The following PRLR variants were observed in gnomAD, a reference collection of about 807,000 sequenced individuals.
PRLR encodes hPRL receptor.
In PRLR, 13 loss-of-function variants were observed where a neutral mutation model predicts 40.2. The observed-to-expected ratio is 0.32, with a 90% CI of 0.21 to 0.51. PRLR has a LOEUF of 0.51. PRLR is among the 20% of genes least tolerant of loss of function. PRLR has a pLI of 0.97. For missense variants in PRLR, 656 were observed against 747.3 expected (o/e 0.88, Z 1.42); for synonymous variants, 269 against 278.7 (o/e 0.97, Z 0.35).
intron 1 of PRLR, among the ~76,000 whole-genome samples, chr5:35,166,792 A>G (rs1328721022): frequency 6.6e-6 from 1 of 152,148 alleles, no homozygotes; most frequent in Non-Finnish European, 1.5e-5. Context: ...TCCTTGCAAT[A>G]AGAGCAACAG....
intron 2 of PRLR, among the ~76,000 whole-genome samples, chr5:35,093,665 C>T (rs1448985405): frequency 6.6e-6 from 1 of 152,170 alleles, no homozygotes; most frequent in Non-Finnish European, 1.5e-5. Flanking sequence ...AAGCAAGGCC[C>T]AATCCAACAT....
chr5:35,160,916 T>A (rs1579748058), intron 1 of PRLR, among the ~76,000 whole-genome samples: 3 of 152,358 alleles, frequency 2.0e-5, no homozygotes, highest in East Asian at 3.9e-4. Flanking sequence ...TCGATAAGAC[T>A]GACTTGAGTA....
At chr5:35,220,913 T>C (rs1453644345) in intron 1 of PRLR, among the ~76,000 whole-genome samples, 1 of 152,228 alleles carries the variant, frequency 6.6e-6, no homozygotes, top group African/African-American at 2.4e-5. Flanking sequence ...TGAGGATCGG[T>C]GTATCAGACT....
chr5:35,155,071 T>C (rs1222439373), intron 1 of PRLR, among the ~76,000 whole-genome samples: 3 of 150,360 alleles, frequency 2.0e-5, no homozygotes, highest in African/African-American at 7.6e-5. Context: ...GGAGGATCTG[T>C]GCAGCAAACC....
chr5:35,049,304 A>T, exon 9 of PRLR: 1 of 703,368 alleles, frequency 1.4e-6, no homozygotes, highest in Admixed American at 2.0e-5. Flanking sequence ...ACTGTGGTCA[A>T]TGTTGCCTTT....
intron 1 of PRLR, among the ~76,000 whole-genome samples, chr5:35,161,917 A>G (rs956243907): frequency 3.9e-5 from 6 of 152,362 alleles, no homozygotes; most frequent in Admixed American, 3.3e-4. Context: ...TTCTTTTCCA[A>G]AAGTCTTGTG....
chr5:35,147,886 G>A (rs1028743675), intron 1 of PRLR, among the ~76,000 whole-genome samples: 1 of 152,034 alleles, frequency 6.6e-6, no homozygotes, highest in African/African-American at 2.4e-5. Flanking sequence ...ATTGTCACAG[G>A]GTAGACGTGT....
intron 1 of PRLR, among the ~76,000 whole-genome samples, chr5:35,179,055 A>G (rs566584377): frequency 3.2e-4 from 48 of 152,304 alleles, no homozygotes; most frequent in African/African-American, 1.2e-3. Flanking sequence ...CAAAGGTCTC[A>G]AGGCTCTCTA....
chr5:35,109,097 A>G (rs563627459), intron 2 of PRLR, among the ~76,000 whole-genome samples: 1 of 152,338 alleles, frequency 6.6e-6, no homozygotes, highest in African/African-American at 2.4e-5. Flanking sequence ...GACAAACCTG[A>G]CAAAAACAAG....
chr5:35,151,528 C>A (rs1411822459), intron 1 of PRLR, among the ~76,000 whole-genome samples: 1 of 152,114 alleles, frequency 6.6e-6, no homozygotes, highest in African/African-American at 2.4e-5. Context: ...GTCTCCTCTT[C>A]CCCTTTGATC....
chr5:35,191,054 T>C (rs1347254723), intron 1 of PRLR, among the ~76,000 whole-genome samples: 1 of 3,282 alleles, frequency 3.0e-4, no homozygotes. Context: ...TTTTCTTTTT[T>C]TTTTTTTTTT....
chr5:35,179,431 A>G (rs1775232714), intron 1 of PRLR, among the ~76,000 whole-genome samples: 1 of 152,142 alleles, frequency 6.6e-6, no homozygotes, highest in African/African-American at 2.4e-5. Flanking sequence ...CCACGCGAAT[A>G]AGGCAGTTGT....
chr5:35,126,985 TC>T (rs1773492050), intron 1 of PRLR, among the ~76,000 whole-genome samples: 1 of 152,270 alleles, frequency 6.6e-6, no homozygotes, highest in African/African-American at 2.4e-5. Flanking sequence ...CCTCTACTCC[TC>T]ATGTAAGAAG....
intron 9 of PRLR, among the ~76,000 whole-genome samples, chr5:35,066,452 A>G (rs1240308143): frequency 1.3e-5 from 2 of 152,174 alleles, no homozygotes; most frequent in Non-Finnish European, 2.9e-5. Flanking sequence ...ACTGCGGCCC[A>G]CTGGCAGAGG....
chr5:35,081,163 A>G (rs1045726798), intron 5 of PRLR: 1 of 153,348 alleles, frequency 6.5e-6, no homozygotes, highest in African/African-American at 2.4e-5. Flanking sequence ...CACGTTGTGC[A>G]CATGTACCCT....
chr5:35,065,832 C>T lies in PRLR; in HGVS notation c.1126G>A (p.Asp376Asn). 1 of 1,614,112 alleles carries T rather than the reference C, an allele frequency of 6.2e-7. No homozygotes were observed. The highest frequency in any genetic ancestry group is 8.5e-7 in the Non-Finnish European group (1 of 1,180,008). The change falls in exon 10 of 10, where the codon GAT becomes AAT. Residue 376 changes from aspartate to asparagine, a missense_variant. This residue lies in a region of PRLR where 469 missense variants were observed against 491.5 expected (regional missense o/e 0.95). Coordinates refer to ENST00000618457, the MANE Select transcript of PRLR (RefSeq NM_000949.7). ...TCTGGCTTCTCAATGACCTCAGGAT[C>T]ATAGAATGTGGAGGGATTGGCCTGG... ...EPQANPSTFY[D>N]PEVIEKPENP...
At chr5:35,053,763 C>A (rs1161194337), downstream of PRLR, among the ~76,000 whole-genome samples, 2 of 152,166 alleles carry the variant, frequency 1.3e-5, no homozygotes, top group Non-Finnish European at 2.9e-5. Context: ...TAAATTCAAT[C>A]TAGCTCCCAA....
At chr5:35,112,720 A>G (rs921593722) in intron 2 of PRLR, among the ~76,000 whole-genome samples, 1 of 152,204 alleles carries the variant, frequency 6.6e-6, no homozygotes. Context: ...TACCTGATTT[A>G]GTCACCTCTC....
Position 35,187,052 on chromosome 5 carries a change from G to A in PRLR, c.-106+43216C>T, listed in dbSNP as rs940859596. 2.6e-5 allele frequency among the ~76,000 whole-genome samples: 4 copies of A among 152,242 alleles called. No individual in the cohort carries two copies. In the East Asian group the frequency reaches 7.7e-4, roughly 29 times the overall value. The stretch of plus-strand genomic sequence containing the variant: ...TGGCCCCTCTATTCAGTAGCTGCAG[G>A]ATCCTGGGCAAGCCGGTCTCCTGAT... On this transcript the variant is annotated intron_variant, in intron 1 of 9. Transcript: ENST00000618457.
Sources: gnomAD v4.1 joint callset for allele counts (sites outside exome capture counted in the v4.1 genomes callset) on GRCh38, gnomAD v4.1.1 for gene constraint, gnomAD v4.1.1 regional missense constraint, MANE v1.5 for transcripts, NCBI Gene and HGNC (gene_info 2026-07-23, HGNC 2026-07-21) for gene names.